Variants in ABLIM1 observed in about 807,000 individuals in gnomAD.
ABLIM1 encodes the protein actin-binding LIM protein 1.
ABLIM1 carries 40 observed loss-of-function variants against 107.0 expected under a neutral mutation model. The observed-to-expected ratio is 0.37, with a 90% confidence interval of 0.29 to 0.49. ABLIM1 has a LOEUF of 0.49. Ranked by LOEUF, ABLIM1 falls within the 20% of genes least tolerant of loss-of-function variation. The probability of loss-of-function intolerance (pLI) is 0.97; values close to 1 mark genes in which losing one functional copy is unlikely to be tolerated. For missense variants in ABLIM1, 857 were observed against 1,008.5 expected (o/e 0.85, Z 2.04); for synonymous variants, 357 against 357.3 (o/e 1.00, Z 0.01).
intron 1 of ABLIM1, among the ~76,000 whole-genome samples, chr10:114,606,023 G>A (rs1156518528): frequency 6.6e-6 from 1 of 152,110 alleles, no homozygotes; most frequent in Admixed American, 6.5e-5. Context: ...CAGAGGCCAT[G>A]GCAGGTCATA....
intron 1 of ABLIM1, among the ~76,000 whole-genome samples, chr10:114,711,636 C>G (rs751051363): frequency 1.2e-4 from 19 of 152,180 alleles, no homozygotes; most frequent in Non-Finnish European, 1.9e-4. Flanking sequence ...AAGGGGCATG[C>G]ACTACCCTGA....
At chr10:114,533,268 G>C (rs1282577469) in intron 6 of ABLIM1, among the ~76,000 whole-genome samples, 2 of 152,118 alleles carry the variant, frequency 1.3e-5, no homozygotes, top group Non-Finnish European at 2.9e-5. Context: ...TTGAACCTGG[G>C]AGGTGGAGGT....
intron 6 of ABLIM1, among the ~76,000 whole-genome samples, chr10:114,533,043 A>G (rs1019247883): frequency 2.0e-5 from 3 of 152,210 alleles, no homozygotes; most frequent in African/African-American, 7.2e-5. Context: ...AATATTTTTA[A>G]AAAATTTTTA....
chr10:114,563,625 A>G (rs2070142957), intron 4 of ABLIM1, among the ~76,000 whole-genome samples: 1 of 151,950 alleles, frequency 6.6e-6, no homozygotes, highest in Non-Finnish European at 1.5e-5. Context: ...ATTTGAGGTC[A>G]GGAATTTCAG....
At chr10:114,491,201 G>A (rs73353727) in intron 7 of ABLIM1, among the ~76,000 whole-genome samples, 2,199 of 151,668 alleles carry the variant, frequency 0.014, 46 homozygotes, top group African/African-American at 0.051. Flanking sequence ...CTTTCAGAGA[G>A]TGGGTTCTCT....
At position 114,547,780 on chromosome 10, in the gene ABLIM1, A is replaced by G; in HGVS notation, c.674-4T>C. ...TCTCTTCCGCAGCCGGCACAATCTGAAAAAGAGCAGCCGCCAGTGGTTACT... is the reference window on the plus strand; with the variant it reads ...TCTCTTCCGCAGCCGGCACAATCTGGAAAAGAGCAGCCGCCAGTGGTTACT... On this transcript the variant is annotated splice_polypyrimidine_tract_variant and splice_region_variant and intron_variant, in intron 4 of 22. Transcript: ENST00000533213. The G allele has an allele frequency of 6.2e-7, 1 of 1,607,020 alleles. No homozygotes were observed. Among genetic ancestry groups the G allele is most frequent in the South Asian group, 1.1e-5 (1 of 91,030 alleles).
At chr10:114,677,081 C>T (rs188343555) in intron 1 of ABLIM1, among the ~76,000 whole-genome samples, 1 of 152,252 alleles carries the variant, frequency 6.6e-6, no homozygotes, top group East Asian at 1.9e-4. Flanking sequence ...TCTGAAAAGC[C>T]TGGTTCCCTC....
the ABLIM1 span, among the ~76,000 whole-genome samples, chr10:114,795,570 G>A: frequency 2.0e-5 from 3 of 152,114 alleles, no homozygotes; most frequent in South Asian, 2.1e-4. Flanking sequence ...CTAGCCAGGC[G>A]TGGTGGCACG....
intron 1 of ABLIM1, among the ~76,000 whole-genome samples, chr10:114,752,000 C>G (rs1342760784): frequency 1.3e-5 from 2 of 152,154 alleles, no homozygotes; most frequent in Admixed American, 6.5e-5. Context: ...AGGATGGAGC[C>G]AGCACCTTCC....
At chr10:114,616,595 G>T (rs1566106973) in intron 1 of ABLIM1, among the ~76,000 whole-genome samples, 1 of 152,204 alleles carries the variant, frequency 6.6e-6, no homozygotes, top group African/African-American at 2.4e-5. Context: ...ACAAAGCGTT[G>T]TTCTACTTAG....
chr10:114,493,928 A>T (rs1409598456), intron 6 of ABLIM1, among the ~76,000 whole-genome samples: 1 of 152,220 alleles, frequency 6.6e-6, no homozygotes, highest in Non-Finnish European at 1.5e-5. Context: ...TGACAGAATA[A>T]ATGCACACAC....
At chr10:114,505,118 A>T (rs917721044) in intron 6 of ABLIM1, among the ~76,000 whole-genome samples, 3 of 152,222 alleles carry the variant, frequency 2.0e-5, no homozygotes, top group African/African-American at 7.2e-5. Context: ...GGTGCTGCTC[A>T]GCGTGTGGTA....
chr10:114,524,895 A>T (rs1441664896), intron 6 of ABLIM1, among the ~76,000 whole-genome samples: 4 of 152,170 alleles, frequency 2.6e-5, no homozygotes, highest in African/African-American at 4.8e-5. Flanking sequence ...TAAAAACCAA[A>T]TGGTCAGGCA....
intron 6 of ABLIM1, among the ~76,000 whole-genome samples, chr10:114,505,843 AT>A (rs1284841945): frequency 4.6e-5 from 7 of 152,048 alleles, no homozygotes; most frequent in African/African-American, 1.7e-4. Flanking sequence ...CAGTATTTCT[AT>A]TCTTAAAAAG....
intron 1 of ABLIM1, chr10:114,615,559 T>G: frequency 2.1e-6 from 1 of 470,226 alleles, no homozygotes; most frequent in Non-Finnish European, 4.3e-6. Flanking sequence ...GTAACTGCCA[T>G]TGTATTACCA....
At chr10:114,621,721 C>T (rs2140441498) in intron 1 of ABLIM1, among the ~76,000 whole-genome samples, 1 of 152,334 alleles carries the variant, frequency 6.6e-6, no homozygotes, top group East Asian at 1.9e-4. Flanking sequence ...GCATCCCTCT[C>T]AACACCTGCT....
intron 6 of ABLIM1, among the ~76,000 whole-genome samples, chr10:114,540,227 C>A (rs1388066758): frequency 6.6e-6 from 1 of 152,162 alleles, no homozygotes; most frequent in African/African-American, 2.4e-5. Context: ...TCCCTTACAG[C>A]CAAGACATGA....
At chr10:114,700,231 C>A (rs2081281135) in intron 1 of ABLIM1, among the ~76,000 whole-genome samples, 1 of 152,112 alleles carries the variant, frequency 6.6e-6, no homozygotes, top group African/African-American at 2.4e-5. Context: ...TGTAAAACCT[C>A]ACTGAGAGAG....
intron 1 of ABLIM1, among the ~76,000 whole-genome samples, chr10:114,749,575 T>C (rs1237771514): frequency 6.6e-6 from 1 of 151,852 alleles, no homozygotes. Flanking sequence ...AAGGAGATAC[T>C]CTCTTCAGGT....
Sources: gnomAD v4.1 joint callset for allele counts (sites outside exome capture counted in the v4.1 genomes callset) on GRCh38, gnomAD v4.1.1 for gene constraint, MANE v1.5 for transcripts, NCBI Gene and HGNC (gene_info 2026-07-23, HGNC 2026-07-21) for gene names.